Variants in MCPH1 observed in about 807,000 individuals in gnomAD.
MCPH1 encodes microcephalin.
A neutral mutation model predicts 84.5 loss-of-function variants in MCPH1; 104 were observed. The ratio of observed to expected loss-of-function variants is 1.23; its 90% CI spans 1.05 to 1.45. The LOEUF is 1.45. MCPH1 is among the 40% of genes most tolerant of loss of function. The probability of loss-of-function intolerance (pLI) is 0.00; values close to 1 mark genes in which losing one functional copy is unlikely to be tolerated. For synonymous variants in MCPH1, 514 were observed against 366.8 expected (o/e 1.40, Z -4.58); for missense variants, 1,498 against 1,005.7 (o/e 1.49, Z -6.62).
At chr8:6,581,947 A>G (rs1174867738) in intron 12 of MCPH1, among the ~76,000 whole-genome samples, 1 of 152,144 alleles carries the variant, frequency 6.6e-6, no homozygotes, top group Non-Finnish European at 1.5e-5. Context: ...CCCATTTGTG[A>G]GGATTTTCAC....
chr8:6,450,888 G>A lies in MCPH1; in HGVS notation c.1826-4255G>A, dbSNP rs144372195. On this transcript the variant is annotated intron_variant, in intron 8 of 13. Coordinates refer to ENST00000344683, the MANE Select transcript of MCPH1 (RefSeq NM_024596.5). ...ATCCTGAGTAGCTGGGACTACAGAC[G>A]CAGGCCACCACACTCGGCTACGTTC... is the stretch of plus-strand genomic sequence containing the variant. 7.2e-5 allele frequency among the ~76,000 whole-genome samples: 11 copies of A among 152,068 alleles called. No individual in the cohort carries two copies. The East Asian group carries it at 9.7e-4, about 13-fold the overall frequency.
chr8:6,520,110 G>C (rs750894272), intron 12 of MCPH1: 75 of 1,149,064 alleles, frequency 6.5e-5, no homozygotes, highest in South Asian at 1.3e-4. Flanking sequence ...GTAAGCAAAA[G>C]GCTGTACCAC....
At chr8:6,569,623 G>A (rs78340857) in intron 12 of MCPH1, among the ~76,000 whole-genome samples, 10 of 152,182 alleles carry the variant, frequency 6.6e-5, no homozygotes, top group African/African-American at 2.2e-4. Flanking sequence ...GGAAATCAAG[G>A]CTCCGTGAAG....
intron 12 of MCPH1, among the ~76,000 whole-genome samples, chr8:6,604,102 T>C (rs1429731508): frequency 6.6e-6 from 1 of 151,846 alleles, no homozygotes; most frequent in African/African-American, 2.4e-5. Flanking sequence ...GGCCTCTGGA[T>C]GGGGACTGGA....
At chr8:6,618,220 C>G (rs920640772) in intron 12 of MCPH1, among the ~76,000 whole-genome samples, 1 of 151,796 alleles carries the variant, frequency 6.6e-6, no homozygotes, top group African/African-American at 2.4e-5. Flanking sequence ...GGCTCCTTGG[C>G]GAGAGCCAGT....
At chr8:6,637,747 C>A (rs928614698) in intron 13 of MCPH1, among the ~76,000 whole-genome samples, 6 of 152,172 alleles carry the variant, frequency 3.9e-5, no homozygotes, top group African/African-American at 1.4e-4. Context: ...CCTAACTCGG[C>A]CTCTCAAAGT....
At chr8:6,419,191 ATTTTTACCC>A in intron 3 of MCPH1, among the ~76,000 whole-genome samples, 1 of 23,646 alleles carries the variant, frequency 4.2e-5, no homozygotes, top group African/African-American at 5.5e-5. Context: ...ACACACACGC[ATTTTTACCC>A]CAAATACTTA....
chr8:6,407,045 A>C (rs911820331), intron 1 of MCPH1: 265 of 187,828 alleles, frequency 1.4e-3, no homozygotes, highest in Middle Eastern at 4.9e-3. Context: ...TCCCTCCCCC[A>C]TGCTGCCTGT....
intron 12 of MCPH1, among the ~76,000 whole-genome samples, chr8:6,613,812 C>G (rs2129579657): frequency 6.6e-6 from 1 of 152,144 alleles, no homozygotes; most frequent in Non-Finnish European, 1.5e-5. Context: ...GGCCAGGGAA[C>G]AGGACGCTTT....
intron 12 of MCPH1, among the ~76,000 whole-genome samples, chr8:6,575,658 G>A (rs1002733210): frequency 4.6e-5 from 7 of 152,184 alleles, no homozygotes; most frequent in Admixed American, 6.5e-5. Context: ...GCACGTGACC[G>A]TCTTCGGAAG....
intron 12 of MCPH1, among the ~76,000 whole-genome samples, chr8:6,583,031 A>G (rs1220034033): frequency 6.6e-6 from 1 of 152,184 alleles, no homozygotes; most frequent in African/African-American, 2.4e-5. Flanking sequence ...TCACATTGAA[A>G]TCGAGTTACA....
intron 12 of MCPH1, among the ~76,000 whole-genome samples, chr8:6,599,149 C>G (rs1829166708): frequency 6.6e-6 from 1 of 152,200 alleles, no homozygotes; most frequent in African/African-American, 2.4e-5. Context: ...GTAGGAAGTC[C>G]TCTTCCTAAT....
rs3739392 is a variant in MCPH1, at chr8:6,563,053, A to T, written c.2215-58401A>T. On this transcript the variant is annotated intron_variant, in intron 12 of 13. Coordinates refer to ENST00000344683, the MANE Select transcript of MCPH1 (RefSeq NM_024596.5). ...TACGCTGCCATGGCTGGGTCCGTCA[A>T]TGAAAGTCTTCTCTTTCCTCTTTTT... 4.5e-6 allele frequency: 5 copies of T among 1,122,562 alleles called. No homozygotes were observed. The East Asian group carries it at 1.3e-4, about 29-fold the overall frequency. The allele number at this position is 1,122,562 out of a possible 1,614,324, so 69.5% of individuals were successfully genotyped here.
In MCPH1 at chr8:6,480,742, G is replaced by C. The variant is rs1809112604; in HGVS notation, c.2002G>C (p.Asp668His). The stretch of plus-strand genomic sequence containing the variant: ...GCAGAATGTCGTCATCCAGGTTGTG[G>C]ATAAATTGAAAGGCTTTTCAATTGC... ...EKQNVVIQVV[D>H]KLKGFSIAPD... The change falls in exon 11 of 14, where the codon GAT (aspartate) becomes CAT (histidine). Residue 668 changes from aspartate (D) to histidine (H), a missense_variant. Asp to His is a moderately conservative substitution (Grantham distance 81). Coordinates refer to ENST00000344683, the MANE Select transcript of MCPH1 (RefSeq NM_024596.5). The C allele has an allele frequency of 1.2e-6, 2 of 1,614,166 alleles. No individual in the cohort carries two copies. Among genetic ancestry groups the C allele is most frequent in the East Asian group, 4.5e-5 (2 of 44,866 alleles).
chr8:6,422,710 A>G (rs1419354093), intron 3 of MCPH1, among the ~76,000 whole-genome samples: 1 of 152,132 alleles, frequency 6.6e-6, no homozygotes. Flanking sequence ...TTTTCTGGAG[A>G]CTGAGTCTCA....
At chr8:6,547,952 G>A (rs1475482792) in intron 12 of MCPH1, among the ~76,000 whole-genome samples, 3 of 150,312 alleles carry the variant, frequency 2.0e-5, no homozygotes, top group South Asian at 2.1e-4. Context: ...TGACTCCTAC[G>A]AGCCAGTTTA....
chr8:6,422,241 A>T (rs1389053552), intron 3 of MCPH1, among the ~76,000 whole-genome samples: 1 of 152,236 alleles, frequency 6.6e-6, no homozygotes, highest in African/African-American at 2.4e-5. Context: ...CTCATAGTAG[A>T]TGCTCAGTAA....
At chr8:6,532,851 C>A (rs1332238613) in intron 12 of MCPH1, among the ~76,000 whole-genome samples, 1 of 152,198 alleles carries the variant, frequency 6.6e-6, no homozygotes, top group South Asian at 2.1e-4. Context: ...TACCCAGCTG[C>A]AACTCTGACC....
At chr8:6,515,893 A>G (rs1370094530) in intron 12 of MCPH1, among the ~76,000 whole-genome samples, 2 of 152,180 alleles carry the variant, frequency 1.3e-5, no homozygotes. Context: ...GAACCAAGAG[A>G]GTGCTATTCC....
Sources: allele counts gnomAD v4.1 joint callset (sites outside exome capture counted in the v4.1 genomes callset), GRCh38; gene constraint gnomAD v4.1.1; transcripts MANE v1.5; gene names NCBI Gene and HGNC (gene_info 2026-07-23, HGNC 2026-07-21).